Variants in TXNDC9 observed in about 807,000 individuals in gnomAD.
The protein encoded by TXNDC9 is thioredoxin domain-containing protein 9.
In TXNDC9, 7 loss-of-function variants were observed where a neutral mutation model predicts 23.0. The ratio of observed to expected loss-of-function variants is 0.30; its 90% confidence interval spans 0.17 to 0.57. The LOEUF (loss-of-function observed/expected upper bound fraction) is 0.57. Ranked by LOEUF, TXNDC9 falls within the 20% of genes least tolerant of loss-of-function variation. The pLI is 0.90. For missense variants in TXNDC9, 198 were observed against 252.6 expected (o/e 0.78, Z 1.47); for synonymous variants, 72 against 90.6 (o/e 0.79, Z 1.17).
At chr2:99,310,880 G>A in the TXNDC9 span, among the ~76,000 whole-genome samples, 1 of 152,202 alleles carries the variant, frequency 6.6e-6, no homozygotes, top group South Asian at 2.1e-4. Flanking sequence ...ACTGCAGGAG[G>A]GGTTCTGCTG....
intron 2 of TXNDC9, among the ~76,000 whole-genome samples, chr2:99,328,097 A>AT (rs2094217040): frequency 6.6e-6 from 1 of 150,948 alleles, no homozygotes; most frequent in Non-Finnish European, 1.5e-5. Flanking sequence ...AGTGTTATTT[A>AT]TTTATTTTTT....
downstream of TXNDC9, among the ~76,000 whole-genome samples, chr2:99,314,895 ATT>A (rs56288449): frequency 4.7e-5 from 5 of 106,894 alleles, no homozygotes; most frequent in African/African-American, 7.3e-5. Flanking sequence ...TCCTTTACTC[ATT>A]TTTTTTTTTT....
intron 1 of TXNDC9, among the ~76,000 whole-genome samples, chr2:99,333,801 T>TG (rs1267425787): frequency 6.6e-6 from 1 of 152,194 alleles, no homozygotes; most frequent in East Asian, 1.9e-4. Flanking sequence ...GAAGAGTGCC[T>TG]GGTGTTCCCT....
intron 3 of TXNDC9, among the ~76,000 whole-genome samples, chr2:99,324,964 T>G (rs1036167275): frequency 2.0e-5 from 3 of 152,222 alleles, no homozygotes; most frequent in Non-Finnish European, 4.4e-5. Flanking sequence ...CAGGATGGCC[T>G]TGATCTCCTG....
chr2:99,308,995 C>T, the TXNDC9 span, among the ~76,000 whole-genome samples: 1 of 151,674 alleles, frequency 6.6e-6, no homozygotes, highest in Non-Finnish European at 1.5e-5. Flanking sequence ...AGCAGCCGTG[C>T]CTGGCCAAAG....
rs142045214 is a variant in TXNDC9, at chr2:99,331,771, C to T, written c.189+1251G>A. 4.2e-3 allele frequency among the ~76,000 whole-genome samples: 647 copies of T among 152,290 alleles called. 8 individuals carry two copies. Among genetic ancestry groups the T allele is most frequent in the African/African-American group, 0.015 (617 of 41,554 alleles). On this transcript the variant is annotated intron_variant, in intron 2 of 4. Transcript: ENST00000264255. ...GGGGAACTGGGTCTTGCTCTATCAT[C>T]CAGGCTGGAGTGCAGTAGCACAATC...
chr2:99,327,317 C>CGAGG (rs2094214895), intron 3 of TXNDC9, among the ~76,000 whole-genome samples: 1 of 152,142 alleles, frequency 6.6e-6, no homozygotes, highest in South Asian at 2.1e-4. Flanking sequence ...AGTGATCCAC[C>CGAGG]CCCCACTTGG....
the TXNDC9 span, among the ~76,000 whole-genome samples, chr2:99,313,251 A>G: frequency 6.6e-6 from 1 of 152,328 alleles, no homozygotes; most frequent in African/African-American, 2.4e-5. Context: ...TTTAATTGAA[A>G]TAGAGACAGA....
chr2:99,324,002 C>T (rs572974680), intron 3 of TXNDC9, among the ~76,000 whole-genome samples: 61 of 152,084 alleles, frequency 4.0e-4, no homozygotes, highest in Non-Finnish European at 6.0e-4. Context: ...CCTGCCACCA[C>T]GCCCGGCTAA....
At chr2:99,322,890 T>G (rs1574905505) in intron 3 of TXNDC9, 1 of 353,218 alleles carries the variant, frequency 2.8e-6, no homozygotes, top group Admixed American at 4.9e-5. Context: ...GCCTCCCAAG[T>G]AGCTGGGACT....
At chr2:99,324,783 G>T (rs1483043198) in intron 3 of TXNDC9, among the ~76,000 whole-genome samples, 1 of 151,578 alleles carries the variant, frequency 6.6e-6, no homozygotes, top group African/African-American at 2.4e-5. Context: ...GTCTTGCTCT[G>T]TTGCCAGGCT....
chr2:99,318,898 T>C (rs974279263), downstream of TXNDC9: 7 of 152,226 alleles, frequency 4.6e-5, no homozygotes, highest in Admixed American at 3.3e-4. Flanking sequence ...TAGTCCAGGA[T>C]TGGGAACTGG....
intron 3 of TXNDC9, 181 bp from the exon 4 acceptor site, chr2:99,322,390 G>A (rs2094204503): frequency 3.3e-6 from 4 of 1,211,710 alleles, no homozygotes; most frequent in Non-Finnish European, 4.5e-6. Context: ...GCCTGATTAC[G>A]AGATGGGAAA....
rs1238406171 is a variant in TXNDC9, at chr2:99,333,335, TG to T, written c.-32-94del. 15 of 1,017,432 alleles carry T rather than the reference TG, an allele frequency of 1.5e-5. No homozygotes were observed. The African/African-American group carries it at 2.3e-4, about 15-fold the overall frequency. The allele number at this position is 1,017,432 out of a possible 1,614,324, so 63.0% of individuals were successfully genotyped here. A position where few individuals can be genotyped will look rare whatever the true frequency, so the allele number is the denominator to read the frequency against. The stretch of plus-strand genomic sequence containing the variant: ...TTCAAAAATTCTGGCAAGTGTATAA[TG>T]TGTACTCTATGGAGTATTCTAACGA... On this transcript the variant is annotated intron_variant, in intron 1 of 4. Coordinates refer to ENST00000264255, the MANE Select transcript of TXNDC9 (RefSeq NM_005783.4).
In TXNDC9 at chr2:99,319,690, C is replaced by T; in HGVS notation, c.673G>A (p.Asp225Asn). The T allele has an allele frequency of 6.4e-7, 1 of 1,572,102 alleles. No individual in the cohort carries two copies. The highest frequency in any genetic ancestry group is 1.2e-5 in the South Asian group (1 of 84,610). The change falls in exon 5 of 5, where the codon GAT (aspartate) becomes AAT (asparagine). Residue 225 changes from aspartate (D) to asparagine (N), a missense_variant. By Grantham distance (23) the Asp-to-Asn change is conservative. Coordinates refer to ENST00000264255, the MANE Select transcript of TXNDC9 (RefSeq NM_005783.4). The part of the protein sequence containing the change: ...RGKKYDSDSD[D>N]D ...CAAAGAATTATTGAGCTCTAATCAT[C>T]ATCAGAGTCTGAATCATATTTCTTT...
chr2:99,312,557 T>C, the TXNDC9 span, among the ~76,000 whole-genome samples: 2 of 151,158 alleles, frequency 1.3e-5, no homozygotes, highest in African/African-American at 4.9e-5. Flanking sequence ...AATAGAACAC[T>C]TTGCATTAAT....
chr2:99,309,509 A>C, the TXNDC9 span, among the ~76,000 whole-genome samples: 2 of 151,932 alleles, frequency 1.3e-5, no homozygotes. Flanking sequence ...ACCTTGTTTC[A>C]ATTAAAAAAA....
rs1200489771 is a variant in TXNDC9 at position 99,319,025 on chromosome 2, T to C, written c.*657A>G. 1 of 152,256 alleles carries C rather than the reference T, an allele frequency of 6.6e-6. No individual in the cohort carries two copies. The highest frequency in any genetic ancestry group is 1.5e-5 in the Non-Finnish European group (1 of 68,046). 9.4% of individuals were successfully genotyped at this position (152,256 alleles called of 1,614,324 possible). ...TTTTATGACAATTTCCACATAAACT[T>C]CCAGTTACAGGTATTTTATTGAGCA... On this transcript the variant is annotated 3_prime_UTR_variant, in exon 5 of 5. Transcript: ENST00000264255.
At chr2:99,322,858 T>G in intron 3 of TXNDC9, 2 of 503,610 alleles carry the variant, frequency 4.0e-6, no homozygotes, top group Non-Finnish European at 5.8e-6. Context: ...GCCTCCCTGG[T>G]TCATGCCATT....
Sources: gnomAD v4.1 joint callset for allele counts (sites outside exome capture counted in the v4.1 genomes callset) on GRCh38, gnomAD v4.1.1 for gene constraint, MANE v1.5 for transcripts, NCBI Gene and HGNC (gene_info 2026-07-23, HGNC 2026-07-21) for gene names.